PHF14: variants seen among roughly 807,000 people sequenced by gnomAD.
The protein encoded by PHF14 is PHD finger protein 14.
PHF14 carries 55 observed loss-of-function variants against 117.9 expected under a neutral mutation model. The observed-to-expected ratio is 0.47, with a 90% CI of 0.38 to 0.58. The LOEUF (loss-of-function observed/expected upper bound fraction) is 0.58. PHF14 is among the 20% of genes least tolerant of loss of function. The probability of loss-of-function intolerance (pLI) is 0.00; values close to 1 mark genes in which losing one functional copy is unlikely to be tolerated. For synonymous variants in PHF14, 409 were observed against 368.6 expected, an observed-to-expected ratio of 1.11 and a Z score of -1.26; for missense variants, 978 against 1,122.2, an observed-to-expected ratio of 0.87 and a Z score of 1.84.
rs573719813 is a variant in PHF14, at chr7:11,139,424, T to C, written c.2772+27957T>C. ...ATAAGAAGATTAATTTTACAAGTTCTGTTCTCAATTTGAATAACTTTACAT... is the reference window on the plus strand; with the variant it reads ...ATAAGAAGATTAATTTTACAAGTTCCGTTCTCAATTTGAATAACTTTACAT... On this transcript the variant is annotated intron_variant, in intron 17 of 17. Coordinates refer to ENST00000634607, the MANE Select transcript of PHF14 (RefSeq NM_001007157.2). Among the ~76,000 whole-genome samples, 89 of 152,202 alleles carry C rather than the reference T, an allele frequency of 5.8e-4. 1 individual carries two copies. The highest frequency in any genetic ancestry group is 1.1e-3 in the Non-Finnish European group (73 of 68,008).
At chr7:11,019,428 G>T (rs1048508999) in intron 5 of PHF14, among the ~76,000 whole-genome samples, 5 of 152,026 alleles carry the variant, frequency 3.3e-5, no homozygotes, top group African/African-American at 1.2e-4. Context: ...ACTTGTTATT[G>T]GTCTGTACAG....
At chr7:11,102,975 A>G in intron 16 of PHF14, 5 of 1,000,136 alleles carry the variant, frequency 5.0e-6, no homozygotes, top group Non-Finnish European at 6.0e-6. Context: ...TGATTGAACA[A>G]TACAAATAAC....
rs142529190 is a variant in PHF14 at position 11,122,037 on chromosome 7, G to A, written c.2772+10570G>A. ...TGCCCTACCCCCCGACAGGCCTCTGGTGTGTGTTGCTTCTCTCCCTGTGTC... is the reference window on the plus strand; with the variant it reads ...TGCCCTACCCCCCGACAGGCCTCTGATGTGTGTTGCTTCTCTCCCTGTGTC... On this transcript the variant is annotated intron_variant, in intron 17 of 17. Coordinates refer to ENST00000634607, the MANE Select transcript of PHF14 (RefSeq NM_001007157.2). 1.3e-3 allele frequency among the ~76,000 whole-genome samples: 199 copies of A among 151,308 alleles called. 4 individuals carry two copies. The highest frequency in any genetic ancestry group is 4.5e-3 in the African/African-American group (187 of 41,168).
chr7:11,105,818 G>C, intron 16 of PHF14: 1 of 984,530 alleles, frequency 1.0e-6, no homozygotes, highest in Non-Finnish European at 1.2e-6. Context: ...TGCACATGCT[G>C]GGCTTTGTAA....
intron 17 of PHF14, among the ~76,000 whole-genome samples, chr7:11,133,161 A>G (rs77604712): frequency 0.074 from 11,225 of 152,004 alleles, 428 homozygotes; most frequent in Non-Finnish European, 0.091. Flanking sequence ...TGCAATCCCA[A>G]TCGAACTCTC....
At position 11,169,498 on chromosome 7, in the gene PHF14, T is replaced by C. The variant is rs1789302668; in HGVS notation, c.*8T>C. On this transcript the variant is annotated 3_prime_UTR_variant, in exon 18 of 18. Transcript: ENST00000634607. ...AAAAATCCAAAGAAATAAAAGATTT[T>C]CTGTAGTGTTTTTGAAAAGTTTGCA... is the stretch of plus-strand genomic sequence containing the variant. 7.2e-7 allele frequency: 1 copy of C among 1,385,602 alleles called. No individual in the cohort carries two copies. The highest frequency in any genetic ancestry group is 2.5e-5 in the East Asian group (1 of 40,264). 85.8% of individuals were successfully genotyped at this position (1,385,602 alleles called of 1,614,324 possible).
At chr7:11,025,369 G>C (rs973974560) in intron 6 of PHF14, among the ~76,000 whole-genome samples, 21 of 152,240 alleles carry the variant, frequency 1.4e-4, no homozygotes, top group African/African-American at 4.8e-4. Context: ...AAGAGGGTTT[G>C]AGAGGATTGA....
At chr7:11,142,600 T>C (rs1788431947) in intron 17 of PHF14, among the ~76,000 whole-genome samples, 1 of 152,094 alleles carries the variant, frequency 6.6e-6, no homozygotes. Context: ...AAAAAAGCAG[T>C]ATTTTATTAA....
intron 14 of PHF14, among the ~76,000 whole-genome samples, chr7:11,060,209 G>A (rs568027111): frequency 6.6e-6 from 1 of 152,224 alleles, no homozygotes; most frequent in East Asian, 1.9e-4. Flanking sequence ...GTATTATATA[G>A]TATCATCATT....
intron 3 of PHF14, among the ~76,000 whole-genome samples, chr7:10,989,858 T>C (rs1782381526): frequency 6.6e-6 from 1 of 152,184 alleles, no homozygotes; most frequent in Non-Finnish European, 1.5e-5. Context: ...CTCAAACTCC[T>C]GGCCTCAAGT....
At chr7:11,024,571 C>G (rs918642569) in intron 6 of PHF14, among the ~76,000 whole-genome samples, 1 of 152,154 alleles carries the variant, frequency 6.6e-6, no homozygotes, top group Non-Finnish European at 1.5e-5. Flanking sequence ...TGCTCCTATA[C>G]TATTGTGAAA....
intron 4 of PHF14, among the ~76,000 whole-genome samples, chr7:10,992,229 T>A (rs1216144551): frequency 6.6e-6 from 1 of 151,142 alleles, no homozygotes; most frequent in African/African-American, 2.4e-5. Context: ...AATTTTTGTA[T>A]TTTTAGTAGA....
intron 17 of PHF14, among the ~76,000 whole-genome samples, chr7:11,116,543 G>A (rs911637722): frequency 1.3e-5 from 2 of 151,752 alleles, no homozygotes; most frequent in African/African-American, 4.8e-5. Context: ...CAGAAAACTG[G>A]CTCCCATTTT....
intron 16 of PHF14, among the ~76,000 whole-genome samples, chr7:11,067,882 G>C (rs1214436624): frequency 6.6e-6 from 1 of 152,066 alleles, no homozygotes; most frequent in African/African-American, 2.4e-5. Context: ...AATAGAGTTA[G>C]AACACACCCC....
At chr7:11,127,970 A>ATTTGT (rs1419918927) in intron 17 of PHF14, among the ~76,000 whole-genome samples, 1 of 151,940 alleles carries the variant, frequency 6.6e-6, no homozygotes, top group Non-Finnish European at 1.5e-5. Flanking sequence ...CAAGACCTCC[A>ATTTGT]GGCCACCATT....
At chr7:10,976,043 G>GT (rs1187359477) in intron 2 of PHF14, among the ~76,000 whole-genome samples, 8 of 152,262 alleles carry the variant, frequency 5.3e-5, no homozygotes, top group African/African-American at 1.9e-4. Flanking sequence ...CATTTTACAG[G>GT]TAACAGGGGT....
In PHF14 at chr7:11,077,207, C is replaced by G. The variant is rs968650836; in HGVS notation, c.2654+15122C>G. 2.0e-5 allele frequency among the ~76,000 whole-genome samples: 3 copies of G among 151,708 alleles called. No individual in the cohort carries two copies. In the South Asian group the frequency reaches 6.2e-4, roughly 32 times the overall value. ...TTAAAGATCAACACATATTATTGCTCTAATTATAAATTGAAGAAACCTCTG... is the reference window on the plus strand; with the variant it reads ...TTAAAGATCAACACATATTATTGCTGTAATTATAAATTGAAGAAACCTCTG... On this transcript the variant is annotated intron_variant, in intron 16 of 17. Coordinates refer to ENST00000634607, the MANE Select transcript of PHF14 (RefSeq NM_001007157.2).
chr7:11,151,313 T>G (rs2353794), intron 17 of PHF14, among the ~76,000 whole-genome samples: 14,640 of 152,176 alleles, frequency 0.096, 1,328 homozygotes, highest in East Asian at 0.36. Flanking sequence ...CCGAACACTT[T>G]GGGAAGCTGA....
chr7:10,988,534 G>GTTTTTTTTTTTTTTTTTTTTTT (rs34658159), intron 3 of PHF14, among the ~76,000 whole-genome samples: 1 of 118,162 alleles, frequency 8.5e-6, no homozygotes, highest in Non-Finnish European at 1.7e-5. Context: ...TTTCTAGTCT[G>GTTTTTTTTTTTTTTTTTTTTTT]TTTTTTTTTT....
Sources: allele counts gnomAD v4.1 joint callset (sites outside exome capture counted in the v4.1 genomes callset), GRCh38; gene constraint gnomAD v4.1.1; transcripts MANE v1.5; gene names NCBI Gene and HGNC (gene_info 2026-07-23, HGNC 2026-07-21).